The following SYCP1 variants were observed in gnomAD, a reference collection of about 807,000 sequenced individuals.
SYCP1 encodes the protein cancer/testis antigen 8.
SYCP1 carries 64 observed loss-of-function variants against 153.1 expected under a neutral mutation model. The ratio of observed to expected loss-of-function variants is 0.42; its 90% CI spans 0.34 to 0.51. The LOEUF is 0.51. Ranked by LOEUF, SYCP1 falls within the 20% of genes least tolerant of loss-of-function variation. The pLI is 0.06. For synonymous variants in SYCP1, 384 were observed against 341.8 expected, an observed-to-expected ratio of 1.12 and a Z score of -1.36; for missense variants, 997 against 1,049.0, an observed-to-expected ratio of 0.95 and a Z score of 0.68.
At chr1:114,961,943 A>G (rs1012645457) in intron 27 of SYCP1, among the ~76,000 whole-genome samples, 4 of 149,628 alleles carry the variant, frequency 2.7e-5, no homozygotes, top group African/African-American at 7.4e-5. Context: ...TGAAGTATTG[A>G]AGTCCCCCAC....
At chr1:114,867,050 A>G (rs1024582918) in intron 8 of SYCP1, among the ~76,000 whole-genome samples, 2 of 152,064 alleles carry the variant, frequency 1.3e-5, no homozygotes, top group Non-Finnish European at 1.5e-5. Context: ...TTTGTCAAAG[A>G]TCAGTTGACT....
chr1:114,914,403 A>C (rs74116185), intron 20 of SYCP1, among the ~76,000 whole-genome samples: 5,171 of 151,590 alleles, frequency 0.034, 292 homozygotes, highest in African/African-American at 0.12. Flanking sequence ...TACCCACTCT[A>C]TATTTTTTTT....
chr1:114,886,365 T>C, intron 14 of SYCP1, 56 bp downstream of exon 14: 3 of 1,380,528 alleles, frequency 2.2e-6, no homozygotes, highest in Non-Finnish European at 2.8e-6. Context: ...CAATTTACTT[T>C]TAATATTCAA....
chr1:114,931,359 A>G (rs1212101558), intron 23 of SYCP1, among the ~76,000 whole-genome samples: 5 of 152,112 alleles, frequency 3.3e-5, no homozygotes, highest in Admixed American at 3.3e-4. Context: ...CAAAGTCACT[A>G]CAAGATTAGT....
intron 17 of SYCP1, among the ~76,000 whole-genome samples, chr1:114,911,089 GAAC>G (rs1324669276): frequency 6.6e-6 from 1 of 151,632 alleles, no homozygotes; most frequent in East Asian, 1.9e-4. Context: ...ACAATAATAA[GAAC>G]ATTATAGTTC....
rs189383937 is a variant in SYCP1, at chr1:114,983,856, G to A, written c.2560-869G>A. Among the ~76,000 whole-genome samples the A allele has an allele frequency of 2.2e-3, 334 of 151,896 alleles. 1 individual carries two copies. The highest frequency in any genetic ancestry group is 7.7e-3 in the African/African-American group (320 of 41,448). On this transcript the variant is annotated intron_variant, in intron 29 of 31. Transcript: ENST00000369522. ...TTTTATGGAGGAGTGAATTTTTAGA[G>A]CTCATTACTCTGCCATTTGTACTGA...
At position 114,994,677 on chromosome 1, in the gene SYCP1, AT is replaced by A. The variant is rs758747518; in HGVS notation, c.2704-14del. 13 of 1,527,664 alleles carry A rather than the reference AT, an allele frequency of 8.5e-6. No individual in the cohort carries two copies. In the East Asian group the frequency reaches 2.3e-4, roughly 27 times the overall value. The allele number at this position is 1,527,664 out of a possible 1,614,324, so 94.6% of individuals were successfully genotyped here. A position where few individuals can be genotyped will look rare whatever the true frequency, so the allele number is the denominator to read the frequency against. On this transcript the variant is annotated intron_variant, in intron 30 of 31. Coordinates refer to ENST00000369522, the MANE Select transcript of SYCP1 (RefSeq NM_003176.4). Reference sequence around the variant, plus strand: ...TTAATGATGGTAAACCCAACATCATATTTTTTTATTTTTCTTCAAGAGCATG... The same window carrying A: ...TTAATGATGGTAAACCCAACATCATATTTTTTATTTTTCTTCAAGAGCATG...
chr1:114,972,586 G>C (rs1261994256), intron 27 of SYCP1, among the ~76,000 whole-genome samples: 1 of 151,978 alleles, frequency 6.6e-6, no homozygotes, highest in African/African-American at 2.4e-5. Context: ...GTATCCTTTA[G>C]ATTTTGTTGT....
At chr1:114,928,221 C>T (rs1312575239) in intron 23 of SYCP1, among the ~76,000 whole-genome samples, 1 of 152,062 alleles carries the variant, frequency 6.6e-6, no homozygotes, top group Non-Finnish European at 1.5e-5. Context: ...AAGATAGGCA[C>T]AAAACCATAT....
intron 16 of SYCP1, among the ~76,000 whole-genome samples, chr1:114,909,369 C>T (rs1557790897): frequency 6.6e-6 from 1 of 151,954 alleles, no homozygotes; most frequent in Non-Finnish European, 1.5e-5. Context: ...CAAACTCACT[C>T]CTCTTCCAGC....
At chr1:114,965,026 T>C (rs1307804999) in intron 27 of SYCP1, among the ~76,000 whole-genome samples, 1 of 152,182 alleles carries the variant, frequency 6.6e-6, no homozygotes, top group Admixed American at 6.5e-5. Context: ...GTTTGTGTCC[T>C]CTCTTATTTC....
At chr1:114,906,712 G>C (rs1667832468) in intron 16 of SYCP1, among the ~76,000 whole-genome samples, 1 of 152,078 alleles carries the variant, frequency 6.6e-6, no homozygotes, top group Non-Finnish European at 1.5e-5. Flanking sequence ...GTCAGAGAAT[G>C]TACTTTTGTA....
Position 114,923,461 on chromosome 1 carries a change from A to G in SYCP1, c.1731A>G (p.Glu577=). The G allele has an allele frequency of 6.3e-7, 1 of 1,586,446 alleles. No homozygotes were observed. Among genetic ancestry groups the G allele is most frequent in the Non-Finnish European group, 8.6e-7 (1 of 1,163,000 alleles). ...ETETQLRNEL[E]YVREELKQKR... Reference sequence around the variant, plus strand: ...CATTTTCTTTTAGAAATGAACTAGAATATGTGAGAGAAGAGCTAAAACAGA... The same window carrying G: ...CATTTTCTTTTAGAAATGAACTAGAGTATGTGAGAGAAGAGCTAAAACAGA... Residue 577 remains glutamate (E), a synonymous_variant, in exon 21 of 32, where the codon GAA becomes GAG. Transcript: ENST00000369522.
chr1:114,900,166 T>TAAA (rs1667330277), intron 16 of SYCP1, among the ~76,000 whole-genome samples: 1 of 152,230 alleles, frequency 6.6e-6, no homozygotes, highest in Non-Finnish European at 1.5e-5. Flanking sequence ...ACAGAGTTTT[T>TAAA]GCAAGATTAG....
intron 12 of SYCP1, among the ~76,000 whole-genome samples, chr1:114,881,244 A>AT (rs1324426211): frequency 3.3e-5 from 5 of 151,642 alleles, no homozygotes; most frequent in Non-Finnish European, 7.4e-5. Context: ...TTACCCATGT[A>AT]TTTTTTTCAA....
intron 8 of SYCP1, among the ~76,000 whole-genome samples, chr1:114,871,206 T>C (rs1570668105): frequency 6.6e-6 from 1 of 152,018 alleles, no homozygotes. Flanking sequence ...CTTGTTTTAT[T>C]GCCCAGATTG....
chr1:114,966,727 G>A (rs1184708583), intron 27 of SYCP1, among the ~76,000 whole-genome samples: 1 of 149,280 alleles, frequency 6.7e-6, no homozygotes, highest in Non-Finnish European at 1.5e-5. Context: ...CTCTGCCACT[G>A]AGGCTGGAGT....
intron 30 of SYCP1, among the ~76,000 whole-genome samples, chr1:114,993,369 A>G (rs1264025047): frequency 6.6e-6 from 1 of 151,554 alleles, no homozygotes; most frequent in East Asian, 1.9e-4. Context: ...ATGAGCATGA[A>G]AAAATTGTGT....
In SYCP1 at chr1:114,944,890, A is replaced by G. The variant is rs777013617; in HGVS notation, c.2062A>G (p.Ile688Val). The change falls in exon 25 of 32, where the codon ATA becomes GTA. Residue 688 changes from isoleucine to valine, a missense_variant. Ile to Val is a conservative substitution (Grantham distance 29). This residue lies in a region of SYCP1 where 712 missense variants were observed against 682.9 expected (regional missense o/e 1.04). Coordinates refer to ENST00000369522, the MANE Select transcript of SYCP1 (RefSeq NM_003176.4). ...TTGATAGGTTGAGAAAGCAAAAGTA[A>G]TAGCTGATGAAGCAGTAAAATTACA... Reference protein sequence around the residue: ...LLEEVEKAKVIADEAVKLQKE... With the variant: ...LLEEVEKAKVVADEAVKLQKE... 1.8e-5 allele frequency: 29 copies of G among 1,596,040 alleles called. No homozygotes were observed. In the East Asian group the frequency reaches 6.3e-4, roughly 35 times the overall value.
Sources: gnomAD v4.1 joint callset for allele counts (sites outside exome capture counted in the v4.1 genomes callset) on GRCh38, gnomAD v4.1.1 for gene constraint, gnomAD v4.1.1 regional missense constraint, MANE v1.5 for transcripts, NCBI Gene and HGNC (gene_info 2026-07-23, HGNC 2026-07-21) for gene names.